Variants in CKAP5 observed in about 807,000 individuals in gnomAD.
The protein encoded by CKAP5 is cytoskeleton associated protein 5.
CKAP5 carries 27 observed loss-of-function variants against 232.8 expected under a neutral mutation model. The ratio of observed to expected loss-of-function variants is 0.12; its 90% CI spans 0.09 to 0.16. CKAP5 has a LOEUF of 0.16. CKAP5 is among the 10% of genes least tolerant of loss of function. CKAP5 has a pLI of 1.00. For synonymous variants in CKAP5, 785 were observed against 841.1 expected, an observed-to-expected ratio of 0.93 and a Z score of 1.16; for missense variants, 1,838 against 2,424.7, an observed-to-expected ratio of 0.76 and a Z score of 5.08.
rs1173117228 is a variant in CKAP5 at position 46,760,797 on chromosome 11, CAAATTTAGAAACCT to C, written c.4222-27_4222-14del. The C allele has an allele frequency of 6.2e-7, 1 of 1,609,058 alleles. No individual in the cohort carries two copies. Among genetic ancestry groups the C allele is most frequent in the East Asian group, 2.2e-5 (1 of 44,860 alleles). On this transcript the variant is annotated splice_polypyrimidine_tract_variant and intron_variant, in intron 32 of 43. Transcript: ENST00000529230. The stretch of plus-strand genomic sequence containing the variant: ...CCTTTTCAGAAAGCTGTAAAGAGGC[CAAATTTAGAAACCT>C]AACTGGATAACACAATAATATCTAT...
At chr11:46,821,707 G>A (rs1204095114) in intron 1 of CKAP5, among the ~76,000 whole-genome samples, 6 of 151,942 alleles carry the variant, frequency 3.9e-5, no homozygotes. Flanking sequence ...ACAGGCGTGA[G>A]CCACCGCGCC....
chr11:46,781,953 G>A (rs533515063), intron 18 of CKAP5, among the ~76,000 whole-genome samples: 6 of 152,246 alleles, frequency 3.9e-5, no homozygotes, highest in African/African-American at 1.4e-4. Context: ...AGCCTCCTGA[G>A]TAGCTGGGAT....
intron 1 of CKAP5, among the ~76,000 whole-genome samples, chr11:46,824,917 TA>T (rs1467196105): frequency 6.6e-6 from 1 of 152,192 alleles, no homozygotes; most frequent in Non-Finnish European, 1.5e-5. Flanking sequence ...TAGTCCCTAG[TA>T]AAGACACATA....
In CKAP5 at chr11:46,784,528, G is replaced by A. The variant is rs1315935576; in HGVS notation, c.2114C>T (p.Ala705Val). 2 of 1,614,100 alleles carry A rather than the reference G, an allele frequency of 1.2e-6. No individual in the cohort carries two copies. The highest frequency in any genetic ancestry group is 1.7e-6 in the Non-Finnish European group (2 of 1,179,982). The change falls in exon 17 of 44, where the codon GCA becomes GTA. Residue 705 changes from alanine (A) to valine (V), a missense_variant. Ala to Val is a moderately conservative substitution (Grantham distance 64). Transcript: ENST00000529230. Reference sequence around the variant, plus strand: ...TGGTAACATACAGGCTTCGGCTATTGCTGTCATAGCTTCTTTTGCATTGTT... The same window carrying A: ...TGGTAACATACAGGCTTCGGCTATTACTGTCATAGCTTCTTTTGCATTGTT... The part of the protein sequence containing the change: ...CGNNAKEAMT[A>V]IAEACMLPWT...
At chr11:46,771,693 C>A (rs1308040378) in intron 24 of CKAP5, among the ~76,000 whole-genome samples, 1 of 152,190 alleles carries the variant, frequency 6.6e-6, no homozygotes, top group Admixed American at 6.5e-5. Flanking sequence ...TACCCTTGAG[C>A]TATAGTCCCA....
intron 8 of CKAP5, among the ~76,000 whole-genome samples, chr11:46,802,473 G>A (rs1434652312): frequency 6.6e-6 from 1 of 151,962 alleles, no homozygotes; most frequent in Non-Finnish European, 1.5e-5. Flanking sequence ...GAATCTGGGA[G>A]GCAGAGGTTG....
chr11:46,797,401 A>C (rs1277805847), intron 11 of CKAP5, among the ~76,000 whole-genome samples: 1 of 152,012 alleles, frequency 6.6e-6, no homozygotes, highest in Non-Finnish European at 1.5e-5. Context: ...AAAAAAAAAA[A>C]AACAAAAATT....
intron 8 of CKAP5, among the ~76,000 whole-genome samples, chr11:46,801,864 G>A (rs1320344494): frequency 6.6e-6 from 1 of 152,146 alleles, no homozygotes; most frequent in Non-Finnish European, 1.5e-5. Flanking sequence ...ATCCAGTAGT[G>A]GCAGTCTGGG....
chr11:46,745,869 T>C (rs1242805614), intron 42 of CKAP5, among the ~76,000 whole-genome samples: 1 of 152,040 alleles, frequency 6.6e-6, no homozygotes, highest in Non-Finnish European at 1.5e-5. Context: ...TGAGAATCAC[T>C]TGAACCCAGG....
At chr11:46,835,661 T>C (rs1565759614) in intron 1 of CKAP5, among the ~76,000 whole-genome samples, 1 of 152,058 alleles carries the variant, frequency 6.6e-6, no homozygotes, top group African/African-American at 2.4e-5. Context: ...GTCCATAAGA[T>C]ACAAACAGTG....
intron 18 of CKAP5, among the ~76,000 whole-genome samples, chr11:46,781,737 A>G (rs914015550): frequency 1.3e-5 from 2 of 152,130 alleles, no homozygotes; most frequent in African/African-American, 2.4e-5. Flanking sequence ...TTCAACTACT[A>G]TATAGAAAAC....
At chr11:46,787,982 A>G (rs1412908036) in intron 16 of CKAP5, among the ~76,000 whole-genome samples, 1 of 152,210 alleles carries the variant, frequency 6.6e-6, no homozygotes, top group Non-Finnish European at 1.5e-5. Flanking sequence ...CTGCCACTTA[A>G]TAAATAGTAA....
At position 46,755,015 on chromosome 11, in the gene CKAP5, A is replaced by G. The variant is rs2065099414; in HGVS notation, c.4742T>C (p.Ile1581Thr). ...AAAAGTGGCTATCAGAAACTGATCA[A>G]TATGGCCGGACATGGCTTCAGCTTT... ...EDKAEAMSGH[I>T]DQFLIATFMQ... The change falls in exon 36 of 44, where the codon ATT becomes ACT. Residue 1581 changes from isoleucine to threonine, a missense_variant. By Grantham distance (89) the Ile-to-Thr change is moderately conservative. This residue lies in a region of CKAP5 where 579 missense variants were observed against 843.2 expected (regional missense o/e 0.69). Coordinates refer to ENST00000529230, the MANE Select transcript of CKAP5 (RefSeq NM_001008938.4). 3 of 1,613,846 alleles carry G rather than the reference A, an allele frequency of 1.9e-6. 1 individual carries two copies. In the South Asian group the frequency reaches 3.3e-5, roughly 18 times the overall value.
chr11:46,770,080 C>A lies in CKAP5; in HGVS notation c.3205G>T (p.Val1069Leu), dbSNP rs746524477. 1 of 1,614,032 alleles carries A rather than the reference C, an allele frequency of 6.2e-7. No individual in the cohort carries two copies. Among genetic ancestry groups the A allele is most frequent in the Non-Finnish European group, 8.5e-7 (1 of 1,179,952 alleles). ...GKLKPTSKDQ[V>L]LAMLEKAKVN... ...TTGGCTTTCTCTAGCATGGCCAATA[C>A]CTGATCTTTAGAAGTTGGCTAGAGA... Residue 1069 changes from valine to leucine, a missense_variant, in exon 26 of 44, where the codon GTA becomes TTA. This residue lies in a region of CKAP5 where 767 missense variants were observed against 954.6 expected (regional missense o/e 0.80). Coordinates refer to ENST00000529230, the MANE Select transcript of CKAP5 (RefSeq NM_001008938.4).
intron 38 of CKAP5, among the ~76,000 whole-genome samples, 181 bp downstream of exon 38, chr11:46,752,454 C>T (rs1191781721): frequency 6.6e-6 from 1 of 151,314 alleles, no homozygotes; most frequent in African/African-American, 2.4e-5. Flanking sequence ...AGGTGCATGC[C>T]ACTGCACCTG....
At chr11:46,787,396 A>T (rs1010790619) in intron 16 of CKAP5, among the ~76,000 whole-genome samples, 1 of 152,196 alleles carries the variant, frequency 6.6e-6, no homozygotes, top group South Asian at 2.1e-4. Context: ...TTTGTTTAGC[A>T]TGAGGTCTAT....
intron 1 of CKAP5, among the ~76,000 whole-genome samples, chr11:46,825,990 T>G (rs1242662162): frequency 6.6e-6 from 1 of 152,082 alleles, no homozygotes; most frequent in Non-Finnish European, 1.5e-5. Context: ...ACTCACTGTC[T>G]CCAGGTATTT....
intron 31 of CKAP5, 122 bp downstream of exon 31, chr11:46,762,505 A>T (rs759221425): frequency 8.2e-7 from 1 of 1,222,404 alleles, no homozygotes; most frequent in African/African-American, 1.5e-5. Flanking sequence ...TCACAGTCTA[A>T]ATCAGGAGGT....
At chr11:46,824,540 G>A (rs1565754533) in intron 1 of CKAP5, among the ~76,000 whole-genome samples, 1 of 152,122 alleles carries the variant, frequency 6.6e-6, no homozygotes, top group Non-Finnish European at 1.5e-5. Context: ...TCATCAAACT[G>A]TGCTTTTCAA....
Sources: allele counts gnomAD v4.1 joint callset (sites outside exome capture counted in the v4.1 genomes callset), GRCh38; gene constraint gnomAD v4.1.1; regional missense constraint gnomAD v4.1.1; transcripts MANE v1.5; gene names NCBI Gene and HGNC (gene_info 2026-07-23, HGNC 2026-07-21).